Variants in PLA2G4A observed in about 807,000 individuals in gnomAD.
PLA2G4A encodes the protein cytosolic phospholipase A2.
Under a neutral mutation model 81.9 loss-of-function variants are expected in PLA2G4A, and 40 were observed. That is an observed-to-expected ratio of 0.49 (90% CI 0.38 to 0.64). The LOEUF is 0.64. Ranked by LOEUF, PLA2G4A falls within the 30% of genes least tolerant of loss-of-function variation. The pLI is 0.00. For missense variants in PLA2G4A, 715 were observed against 905.1 expected (o/e 0.79, Z 2.69); for synonymous variants, 302 against 296.9 (o/e 1.02, Z -0.18).
At chr1:186,832,862 T>C (rs938359268) in intron 1 of PLA2G4A, among the ~76,000 whole-genome samples, 27 of 152,246 alleles carry the variant, frequency 1.8e-4, no homozygotes, top group African/African-American at 6.3e-4. Context: ...GTAGAAATTC[T>C]ATAAACAATG....
intron 17 of PLA2G4A, among the ~76,000 whole-genome samples, chr1:186,986,038 C>T (rs887440142): frequency 6.6e-6 from 1 of 152,024 alleles, no homozygotes; most frequent in Non-Finnish European, 1.5e-5. Flanking sequence ...GGGTATTTTC[C>T]GCAGTAATGT....
intron 3 of PLA2G4A, among the ~76,000 whole-genome samples, chr1:186,887,775 G>A (rs951785787): frequency 1.3e-5 from 2 of 152,006 alleles, no homozygotes; most frequent in Admixed American, 1.3e-4. Context: ...AAAGTATTGG[G>A]CTGTGTTTAC....
intron 5 of PLA2G4A, among the ~76,000 whole-genome samples, chr1:186,903,303 G>C (rs1028738234): frequency 6.6e-6 from 1 of 152,124 alleles, no homozygotes; most frequent in Non-Finnish European, 1.5e-5. Context: ...GAAAGTAAAT[G>C]TTGTAAATAT....
intron 2 of PLA2G4A, among the ~76,000 whole-genome samples, chr1:186,861,607 C>T (rs990415097): frequency 9.2e-5 from 14 of 152,266 alleles, no homozygotes; most frequent in African/African-American, 3.1e-4. Context: ...CACAGTCAGT[C>T]AGTAGTGCCT....
intron 12 of PLA2G4A, among the ~76,000 whole-genome samples, 185 bp downstream of exon 12, chr1:186,947,146 A>G (rs1012431188): frequency 1.3e-5 from 2 of 152,114 alleles, no homozygotes; most frequent in Non-Finnish European, 2.9e-5. Context: ...TTATTTTGAC[A>G]CTGAGGTTAT....
Position 186,946,966 on chromosome 1 carries a change from C to T in PLA2G4A, c.1264+5C>T, listed in dbSNP as rs774850349. The T allele has an allele frequency of 6.0e-6, 9 of 1,495,520 alleles. No individual in the cohort carries two copies. The highest frequency in any genetic ancestry group is 6.5e-6 in the Non-Finnish European group (7 of 1,071,996). 92.6% of individuals were successfully genotyped at this position (1,495,520 alleles called of 1,614,324 possible). A position where few individuals can be genotyped will look rare whatever the true frequency, so the allele number is the denominator to read the frequency against. On this transcript the variant is annotated splice_donor_5th_base_variant and intron_variant, in intron 12 of 17. Coordinates refer to ENST00000367466, the MANE Select transcript of PLA2G4A (RefSeq NM_024420.3). ...CCACAATGGAGGAAGAATTAGGTATCCTAAAGATATGCTTACATTGATACA... is the reference window on the plus strand; with the variant it reads ...CCACAATGGAGGAAGAATTAGGTATTCTAAAGATATGCTTACATTGATACA...
chr1:186,952,947 C>A (rs1036953478), intron 13 of PLA2G4A, among the ~76,000 whole-genome samples: 2 of 152,034 alleles, frequency 1.3e-5, no homozygotes, highest in Admixed American at 6.6e-5. Flanking sequence ...ATTCATTCAC[C>A]TGCTGAGGAA....
At chr1:186,848,915 G>A (rs954371237) in intron 1 of PLA2G4A, among the ~76,000 whole-genome samples, 5 of 151,984 alleles carry the variant, frequency 3.3e-5, no homozygotes, top group African/African-American at 1.2e-4. Flanking sequence ...TGAACAGAGT[G>A]GTTATGAATG....
At chr1:186,928,344 C>T (rs1017228297) in intron 7 of PLA2G4A, among the ~76,000 whole-genome samples, 10 of 152,080 alleles carry the variant, frequency 6.6e-5, no homozygotes, top group East Asian at 1.9e-4. Context: ...TATTGGCTGC[C>T]GGTGTTCTTG....
intron 1 of PLA2G4A, among the ~76,000 whole-genome samples, chr1:186,847,062 A>G (rs144718857): frequency 0.014 from 2,195 of 152,080 alleles, 67 homozygotes; most frequent in African/African-American, 0.051. Context: ...AAAGAATTTG[A>G]GAGAAGAAAA....
chr1:186,915,189 G>A (rs556659227), intron 7 of PLA2G4A, among the ~76,000 whole-genome samples: 19 of 152,070 alleles, frequency 1.2e-4, no homozygotes, highest in Admixed American at 1.1e-3. Flanking sequence ...TCAACTACTT[G>A]CCCTTGATCA....
At chr1:186,878,154 A>G (rs933662072) in intron 3 of PLA2G4A, among the ~76,000 whole-genome samples, 1 of 145,552 alleles carries the variant, frequency 6.9e-6, no homozygotes, top group South Asian at 2.1e-4. Flanking sequence ...TATTTTATAT[A>G]TATCTATATA....
At chr1:186,976,084 C>A (rs1657519066) in intron 15 of PLA2G4A, among the ~76,000 whole-genome samples, 3 of 152,090 alleles carry the variant, frequency 2.0e-5, no homozygotes, top group Admixed American at 2.0e-4. Flanking sequence ...TTTTTCCTGG[C>A]ATTTATCACA....
At chr1:186,870,885 C>T (rs1273715142) in intron 3 of PLA2G4A, 4 of 505,642 alleles carry the variant, frequency 7.9e-6, no homozygotes, top group Middle Eastern at 3.1e-4. Context: ...GATAACATTT[C>T]GAACAGTTCT....
At chr1:186,853,316 A>G (rs531079214) in intron 1 of PLA2G4A, among the ~76,000 whole-genome samples, 1 of 152,040 alleles carries the variant, frequency 6.6e-6, no homozygotes, top group African/African-American at 2.4e-5. Context: ...AAGAAAAAGC[A>G]GTGAAAAGGC....
intron 15 of PLA2G4A, among the ~76,000 whole-genome samples, chr1:186,975,413 G>A (rs1266095214): frequency 6.6e-6 from 1 of 152,118 alleles, no homozygotes; most frequent in Non-Finnish European, 1.5e-5. Flanking sequence ...TGACATTCCA[G>A]AAGCAAAAAG....
intron 3 of PLA2G4A, among the ~76,000 whole-genome samples, chr1:186,881,839 C>T (rs1260278627): frequency 6.6e-6 from 1 of 152,006 alleles, no homozygotes; most frequent in South Asian, 2.1e-4. Context: ...TCCACAGTAT[C>T]GGTTAGGGTC....
chr1:186,878,061 T>G (rs1653571584), intron 3 of PLA2G4A, among the ~76,000 whole-genome samples: 1 of 148,282 alleles, frequency 6.7e-6, no homozygotes, highest in Admixed American at 6.8e-5. Flanking sequence ...GCTGTTGGTC[T>G]ATACTTTGGC....
At chr1:186,906,298 A>G (rs1469866012) in intron 5 of PLA2G4A, among the ~76,000 whole-genome samples, 3 of 152,346 alleles carry the variant, frequency 2.0e-5, no homozygotes, top group Non-Finnish European at 4.4e-5. Context: ...AGTGGATATT[A>G]ATCATTTTCT....
Sources: gnomAD v4.1 joint callset for allele counts (sites outside exome capture counted in the v4.1 genomes callset) on GRCh38, gnomAD v4.1.1 for gene constraint, MANE v1.5 for transcripts, NCBI Gene and HGNC (gene_info 2026-07-23, HGNC 2026-07-21) for gene names.